The following GABRA4 variants were observed in gnomAD, a reference collection of about 807,000 sequenced individuals.
GABRA4 encodes the protein gamma-aminobutyric acid receptor subunit alpha-4.
Under a neutral mutation model 49.7 loss-of-function variants are expected in GABRA4, and 12 were observed. That is an observed-to-expected ratio of 0.24 (90% CI 0.15 to 0.39). The LOEUF is 0.39. GABRA4 is among the 10% of genes least tolerant of loss of function. The pLI is 1.00. For missense variants in GABRA4, 506 were observed against 686.0 expected, an observed-to-expected ratio of 0.74 and a Z score of 2.93; for synonymous variants, 288 against 240.2, an observed-to-expected ratio of 1.20 and a Z score of -1.84.
At chr4:46,993,310 C>A (rs771075048) in intron 1 of GABRA4, 29 bp downstream of exon 1, 41 of 1,596,122 alleles carry the variant, frequency 2.6e-5, no homozygotes, top group Non-Finnish European at 3.4e-5. Flanking sequence ...CTTTCCGTTG[C>A]CCACCTCCTC....
rs1721259576 is a variant in GABRA4, at chr4:46,927,188, C to T, written c.*1037G>A. 1 of 152,302 alleles carries T rather than the reference C, an allele frequency of 6.6e-6. No homozygotes were observed. The highest frequency in any genetic ancestry group is 1.5e-5 in the Non-Finnish European group (1 of 67,922). The allele number at this position is 152,302 out of a possible 1,614,324, so 9.4% of individuals were successfully genotyped here. A position where few individuals can be genotyped will look rare whatever the true frequency, so the allele number is the denominator to read the frequency against. On this transcript the variant is annotated 3_prime_UTR_variant, in exon 9 of 9. Coordinates refer to ENST00000264318, the MANE Select transcript of GABRA4 (RefSeq NM_000809.4). ...TTGCCCTGATTTTTACTTTCAAGTA[C>T]ATAATGCTTTTCACTTATAGAACAA...
At chr4:46,975,420 T>C (rs1560480037) in intron 5 of GABRA4, among the ~76,000 whole-genome samples, 1 of 152,036 alleles carries the variant, frequency 6.6e-6, no homozygotes, top group Non-Finnish European at 1.5e-5. Flanking sequence ...GTCTATGATA[T>C]TGCAAATTAA....
intron 8 of GABRA4, among the ~76,000 whole-genome samples, chr4:46,940,805 G>T (rs1257800550): frequency 1.3e-5 from 2 of 151,996 alleles, no homozygotes; most frequent in Non-Finnish European, 2.9e-5. Context: ...GTCCTGAAGA[G>T]TAAGCTCTAA....
At chr4:46,965,977 G>A (rs1040288590) in intron 7 of GABRA4, among the ~76,000 whole-genome samples, 3 of 148,034 alleles carry the variant, frequency 2.0e-5, no homozygotes, top group African/African-American at 4.8e-5. Flanking sequence ...AGGAACAGAA[G>A]TACTTCTCCT....
At chr4:46,937,054 A>C (rs1026844954) in intron 8 of GABRA4, among the ~76,000 whole-genome samples, 1 of 152,240 alleles carries the variant, frequency 6.6e-6, no homozygotes, top group Non-Finnish European at 1.5e-5. Flanking sequence ...TATTGGAGAC[A>C]AGACCTTTAA....
chr4:46,969,385 G>A (rs1722873599), intron 7 of GABRA4, among the ~76,000 whole-genome samples: 1 of 151,584 alleles, frequency 6.6e-6, no homozygotes, highest in South Asian at 2.1e-4. Flanking sequence ...AAAAAGTTAA[G>A]AGACTTTGGA....
In GABRA4 at chr4:46,920,444, C is replaced by T. The variant is rs1008217552; in HGVS notation, c.*7781G>A. 6.6e-6 allele frequency: 1 copy of T among 151,110 alleles called. No homozygotes were observed. The highest frequency in any genetic ancestry group is 1.5e-5 in the Non-Finnish European group (1 of 67,520). The allele number at this position is 151,110 out of a possible 1,614,324, so 9.4% of individuals were successfully genotyped here. A position where few individuals can be genotyped will look rare whatever the true frequency, so the allele number is the denominator to read the frequency against. On this transcript the variant is annotated 3_prime_UTR_variant, in exon 9 of 9. Transcript: ENST00000264318. The stretch of plus-strand genomic sequence containing the variant: ...ATATGAGAAAATATGAAATATGAGA[C>T]ATGAGAAATATTAAACGAGTTCAGC...
chr4:46,950,248 G>A (rs774626730), intron 8 of GABRA4, among the ~76,000 whole-genome samples: 16 of 151,986 alleles, frequency 1.1e-4, no homozygotes, highest in Non-Finnish European at 1.8e-4. Context: ...CTAACAAAAC[G>A]ATCCTACTGA....
At chr4:46,970,140 G>A (rs1379403674) in intron 7 of GABRA4, among the ~76,000 whole-genome samples, 1 of 151,344 alleles carries the variant, frequency 6.6e-6, no homozygotes, top group Non-Finnish European at 1.5e-5. Context: ...TCTTGAAAAG[G>A]ATGGGGAGGT....
rs1193303894 is a variant in GABRA4, at chr4:46,919,993, T to A, written c.*8232A>T. 1 of 151,678 alleles carries A rather than the reference T, an allele frequency of 6.6e-6. No individual in the cohort carries two copies. Among genetic ancestry groups the A allele is most frequent in the African/African-American group, 2.4e-5 (1 of 41,414 alleles). The allele number at this position is 151,678 out of a possible 1,614,324, so 9.4% of individuals were successfully genotyped here. On this transcript the variant is annotated 3_prime_UTR_variant, in exon 9 of 9. Coordinates refer to ENST00000264318, the MANE Select transcript of GABRA4 (RefSeq NM_000809.4). ...GCCCCTTGAAAAATGAAAGCTCTGA[T>A]TTACTGTATACTTGAACTAGGAGAC...
intron 8 of GABRA4, among the ~76,000 whole-genome samples, chr4:46,953,500 A>G (rs1722242280): frequency 2.6e-5 from 4 of 152,194 alleles, no homozygotes; most frequent in Non-Finnish European, 1.5e-5. Flanking sequence ...TTCAAATCAA[A>G]ATAATGGTAA....
intron 8 of GABRA4, among the ~76,000 whole-genome samples, chr4:46,940,646 A>G (rs895588413): frequency 2.0e-5 from 3 of 152,122 alleles, no homozygotes; most frequent in Non-Finnish European, 4.4e-5. Flanking sequence ...CTATAGTAAA[A>G]CAGCACATTA....
intron 5 of GABRA4, 87 bp downstream of exon 5, chr4:46,976,974 T>C: frequency 2.7e-6 from 2 of 746,844 alleles, no homozygotes; most frequent in South Asian, 3.4e-5. Context: ...GACTTAAATG[T>C]TGGATTATGA....
At position 46,927,643 on chromosome 4, in the gene GABRA4, A is replaced by G. The variant is rs1721273470; in HGVS notation, c.*582T>C. ...TTAAGTACTGTTTAGCCAACATAAG[A>G]AAGGGAAGATATTTCCTCTGGTCTT... On this transcript the variant is annotated 3_prime_UTR_variant, in exon 9 of 9. Coordinates refer to ENST00000264318, the MANE Select transcript of GABRA4 (RefSeq NM_000809.4). The G allele has an allele frequency of 6.6e-6, 1 of 152,640 alleles. No homozygotes were observed. Among genetic ancestry groups the G allele is most frequent in the African/African-American group, 2.4e-5 (1 of 41,444 alleles). The allele number at this position is 152,640 out of a possible 1,614,324, so 9.5% of individuals were successfully genotyped here. A position where few individuals can be genotyped will look rare whatever the true frequency, so the allele number is the denominator to read the frequency against.
intron 8 of GABRA4, among the ~76,000 whole-genome samples, chr4:46,952,748 T>C (rs1722215605): frequency 1.3e-5 from 2 of 152,084 alleles, no homozygotes; most frequent in South Asian, 4.1e-4. Flanking sequence ...AGGAAAGTTG[T>C]TTAAAGCAGT....
At chr4:46,978,733 G>GAA (rs1197968727) in intron 3 of GABRA4, among the ~76,000 whole-genome samples, 1 of 91,688 alleles carries the variant, frequency 1.1e-5, no homozygotes, top group East Asian at 3.1e-4. Flanking sequence ...AGAAAGAAAA[G>GAA]AAAAGTAAAA....
At position 46,989,030 on chromosome 4, in the gene GABRA4, A is replaced by G. The variant is rs76144853; in HGVS notation, c.205+3798T>C. Among the ~76,000 whole-genome samples, 9 of 152,366 alleles carry G rather than the reference A, an allele frequency of 5.9e-5. No homozygotes were observed. In the East Asian group the frequency reaches 1.7e-3, roughly 29 times the overall value. On this transcript the variant is annotated intron_variant, in intron 2 of 8. Transcript: ENST00000264318. ...CACTAATGTGAAGTCCTACTATGTT[A>G]GTGAATAACCTTACAAAATTGACTC...
chr4:46,962,693 C>T (rs1722619304), intron 8 of GABRA4, among the ~76,000 whole-genome samples: 1 of 151,822 alleles, frequency 6.6e-6, no homozygotes, highest in South Asian at 2.1e-4. Context: ...AATCACATTA[C>T]CTCATTTCAA....
chr4:46,988,484 G>A (rs965555517), intron 2 of GABRA4, among the ~76,000 whole-genome samples: 7 of 152,128 alleles, frequency 4.6e-5, no homozygotes, highest in East Asian at 3.8e-4. Flanking sequence ...ATTTTTAAAG[G>A]TATTTCTCTA....
Sources: gnomAD v4.1 joint callset for allele counts (sites outside exome capture counted in the v4.1 genomes callset) on GRCh38, gnomAD v4.1.1 for gene constraint, MANE v1.5 for transcripts, NCBI Gene and HGNC (gene_info 2026-07-23, HGNC 2026-07-21) for gene names.